Variants in RGS20 observed in about 807,000 individuals in gnomAD.
The protein encoded by RGS20 is regulator of G protein signaling 20.
In RGS20, 30 loss-of-function variants were observed where a neutral mutation model predicts 33.6. The observed-to-expected ratio is 0.89, with a 90% confidence interval of 0.67 to 1.21. RGS20 has a LOEUF of 1.21. Among genes scored for constraint, RGS20 ranks in the 50% most tolerant of loss-of-function variants. The probability of loss-of-function intolerance (pLI) is 0.00; values close to 1 mark genes in which losing one functional copy is unlikely to be tolerated. For synonymous variants in RGS20, 208 were observed against 197.9 expected (o/e 1.05, Z -0.43); for missense variants, 472 against 502.4 (o/e 0.94, Z 0.58).
At chr8:53,894,349 A>AT (rs559938060) in intron 2 of RGS20, among the ~76,000 whole-genome samples, 25 of 152,218 alleles carry the variant, frequency 1.6e-4, no homozygotes, top group Non-Finnish European at 3.1e-4. Context: ...TTCAGTAGAT[A>AT]TTTTGGTGCA....
intron 1 of RGS20, among the ~76,000 whole-genome samples, chr8:53,870,640 C>T (rs1034455470): frequency 6.6e-6 from 1 of 151,958 alleles, no homozygotes; most frequent in Non-Finnish European, 1.5e-5. Flanking sequence ...CTAGGCTTTC[C>T]TCCTTGGTCT....
intron 2 of RGS20, among the ~76,000 whole-genome samples, chr8:53,887,960 C>G (rs1432690998): frequency 6.6e-6 from 1 of 150,656 alleles, no homozygotes; most frequent in African/African-American, 2.5e-5. Flanking sequence ...GCCTGGGCAA[C>G]AGAGTGAGAC....
chr8:53,859,404 T>C (rs1037957997), intron 1 of RGS20, among the ~76,000 whole-genome samples: 2 of 152,096 alleles, frequency 1.3e-5, no homozygotes, highest in Non-Finnish European at 2.9e-5. Context: ...GTCTTTTCAT[T>C]GATTTTACAA....
intron 5 of RGS20, among the ~76,000 whole-genome samples, chr8:53,956,572 C>A (rs1237622003): frequency 1.3e-5 from 2 of 152,222 alleles, no homozygotes; most frequent in South Asian, 4.2e-4. Context: ...CAAACCCCAC[C>A]GTCTCAAATG....
intron 2 of RGS20, among the ~76,000 whole-genome samples, chr8:53,911,024 TA>T (rs1318027610): frequency 6.6e-6 from 1 of 152,162 alleles, no homozygotes; most frequent in East Asian, 1.9e-4. Context: ...AGGCTGTGGA[TA>T]AAAAATCTGA....
rs78507684 is a variant in RGS20, at chr8:53,860,968, A to C, written c.165+8904A>C. On this transcript the variant is annotated intron_variant, in intron 1 of 5. Coordinates refer to ENST00000297313, the MANE Select transcript of RGS20 (RefSeq NM_170587.4). ...GGCAACAGAGTGAGACCCTGTCTCC[A>C]AAAAAAAAAAAAGATCAATCAGCCC... Among the ~76,000 whole-genome samples the C allele has an allele frequency of 2.1e-5, 3 of 144,256 alleles. No individual in the cohort carries two copies. The South Asian group carries it at 6.6e-4, about 32-fold the overall frequency. The allele number at this position is 144,256 out of a possible 152,430, so 94.6% of individuals were successfully genotyped here.
intron 2 of RGS20, among the ~76,000 whole-genome samples, chr8:53,888,938 A>G (rs143131754): frequency 5.9e-5 from 9 of 152,338 alleles, no homozygotes; most frequent in African/African-American, 2.2e-4. Context: ...AATACACCAC[A>G]GTGTATTCCA....
At position 53,878,137 on chromosome 8, in the gene RGS20, C is replaced by G. The variant is rs573765007; in HGVS notation, c.166-1121C>G. ...CCTTCATTTTTTTTGGCAACCACCGCTCTTGTTTTTCACAGACAGATTAAA... is the reference window on the plus strand; with the variant it reads ...CCTTCATTTTTTTTGGCAACCACCGGTCTTGTTTTTCACAGACAGATTAAA... On this transcript the variant is annotated intron_variant, in intron 1 of 5. Transcript: ENST00000297313. Among the ~76,000 whole-genome samples, 3 of 152,328 alleles carry G rather than the reference C, an allele frequency of 2.0e-5. No individual in the cohort carries two copies. In the East Asian group the frequency reaches 5.8e-4, roughly 29 times the overall value.
At chr8:53,862,803 A>G (rs889584757) in intron 1 of RGS20, among the ~76,000 whole-genome samples, 1 of 152,188 alleles carries the variant, frequency 6.6e-6, no homozygotes, top group African/African-American at 2.4e-5. Flanking sequence ...TATCTCTAAA[A>G]AGAAAAGAAA....
intron 2 of RGS20, among the ~76,000 whole-genome samples, chr8:53,925,608 GC>G (rs1477245382): frequency 4.6e-5 from 7 of 152,122 alleles, no homozygotes; most frequent in Non-Finnish European, 1.0e-4. Context: ...GGTGGCACAT[GC>G]CTGTAATCCC....
chr8:53,875,164 G>T (rs1315163052), intron 1 of RGS20, among the ~76,000 whole-genome samples: 2 of 152,200 alleles, frequency 1.3e-5, no homozygotes, highest in East Asian at 3.9e-4. Flanking sequence ...GGGCATGGTG[G>T]CTCACACCTA....
At chr8:53,921,307 G>T (rs1664822384) in intron 2 of RGS20, among the ~76,000 whole-genome samples, 1 of 152,106 alleles carries the variant, frequency 6.6e-6, no homozygotes, top group Admixed American at 6.5e-5. Context: ...ACTGGTCTCA[G>T]AGAATAAGTT....
At chr8:53,879,228 G>A in intron 1 of RGS20, 2 of 1,588,396 alleles carry the variant, frequency 1.3e-6, no homozygotes, top group Non-Finnish European at 8.6e-7. Context: ...GTAACCGTAT[G>A]CTGGTTTTGT....
Position 53,954,207 on chromosome 8 carries a change from G to C in RGS20, c.875G>C (p.Trp292Ser). 1.2e-6 allele frequency: 2 copies of C among 1,614,016 alleles called. No homozygotes were observed. Among genetic ancestry groups the C allele is most frequent in the Non-Finnish European group, 1.7e-6 (2 of 1,179,932 alleles). The change falls in exon 5 of 6, where the codon TGG becomes TCG. Residue 292 changes from tryptophan (W) to serine (S), a missense_variant. Transcript: ENST00000297313. ...TTCAGTGAGGAAAATATGCTCTTCT[G>C]GATGGCCTGTGAGGAACTGAAAAAG...
chr8:53,925,732 T>A (rs1813773891), intron 2 of RGS20, among the ~76,000 whole-genome samples: 2 of 150,740 alleles, frequency 1.3e-5, no homozygotes, highest in Non-Finnish European at 3.0e-5. Context: ...CGAAACTCAG[T>A]CTCAAAAAAA....
chr8:53,890,008 A>T (rs1015759850), intron 2 of RGS20, among the ~76,000 whole-genome samples: 20 of 152,076 alleles, frequency 1.3e-4, no homozygotes, highest in Admixed American at 8.5e-4. Flanking sequence ...TCTTTCATCA[A>T]CTTTGGAAAA....
intron 2 of RGS20, among the ~76,000 whole-genome samples, chr8:53,908,019 A>G (rs1196674348): frequency 6.6e-6 from 1 of 152,176 alleles, no homozygotes; most frequent in Non-Finnish European, 1.5e-5. Context: ...GTTGTGAGGC[A>G]GGTGATGAAA....
chr8:53,881,069 G>A (rs1265672267), intron 2 of RGS20: 15 of 1,548,040 alleles, frequency 9.7e-6, no homozygotes, highest in Non-Finnish European at 1.2e-5. Flanking sequence ...CGGCCGGCAG[G>A]GTGGACGGTG....
intron 2 of RGS20, 149 bp from the exon 2 acceptor site, chr8:53,939,426 TA>T: frequency 1.4e-6 from 1 of 734,162 alleles, no homozygotes; most frequent in Non-Finnish European, 2.0e-6. Context: ...CCTAAGATTC[TA>T]AGCACTAAAT....
Sources: gnomAD v4.1 joint callset for allele counts (sites outside exome capture counted in the v4.1 genomes callset) on GRCh38, gnomAD v4.1.1 for gene constraint, MANE v1.5 for transcripts, NCBI Gene and HGNC (gene_info 2026-07-23, HGNC 2026-07-21) for gene names.